ERCC4: variants seen among roughly 807,000 people sequenced by gnomAD.
ERCC4 encodes DNA repair endonuclease XPF.
Under a neutral mutation model 76.9 loss-of-function variants are expected in ERCC4, and 65 were observed. The ratio of observed to expected loss-of-function variants is 0.84; its 90% CI spans 0.69 to 1.04. ERCC4 has a LOEUF of 1.04. Among genes scored for constraint, ERCC4 ranks in the 50% least tolerant of loss-of-function variants. The pLI, the probability that ERCC4 is intolerant of heterozygous loss-of-function variation, is 0.00. For missense variants in ERCC4, 1,214 were observed against 1,128.2 expected, an observed-to-expected ratio of 1.08 and a Z score of -1.09; for synonymous variants, 463 against 410.1, an observed-to-expected ratio of 1.13 and a Z score of -1.56.
rs775970324 is a variant in ERCC4, at chr16:13,926,580, C to G, written c.408C>G (p.Ala136=). ...CCTCAGGCATCTTGGTGTATAGAGCCCACAGAATAATCGAGTCTTGTCAAG... is the reference window on the plus strand; with the variant it reads ...CCTCAGGCATCTTGGTGTATAGAGCGCACAGAATAATCGAGTCTTGTCAAG... The part of the protein sequence containing the change: ...DLITGILVYR[A]HRIIESCQEA... Residue 136 remains alanine (A), a synonymous_variant, in exon 3 of 11, where the codon GCC becomes GCG. Coordinates refer to ENST00000311895, the MANE Select transcript of ERCC4 (RefSeq NM_005236.3). 10 of 1,613,916 alleles carry G rather than the reference C, an allele frequency of 6.2e-6. No homozygotes were observed. The African/African-American group carries it at 1.2e-4, about 19-fold the overall frequency.
chr16:13,928,097 G>A lies in ERCC4; in HGVS notation c.654G>A (p.Met218Ile). ...KPEVVEIHVS[M>I]TPTMLAIQTA... Reference sequence around the variant, plus strand: ...AAGTTGTAGAAATCCATGTTTCTATGACACCTACCATGCTTGCTATACAGA... The same window carrying A: ...AAGTTGTAGAAATCCATGTTTCTATAACACCTACCATGCTTGCTATACAGA... The change falls in exon 4 of 11, where the codon ATG becomes ATA. Residue 218 changes from methionine (M) to isoleucine (I), a missense_variant. Transcript: ENST00000311895. 6.2e-7 allele frequency: 1 copy of A among 1,613,634 alleles called. No homozygotes were observed. Among genetic ancestry groups the A allele is most frequent in the Non-Finnish European group, 8.5e-7 (1 of 1,179,690 alleles).
At position 13,941,614 on chromosome 16, in the gene ERCC4, C is replaced by T. The variant is rs192249996; in HGVS notation, c.1905-3109C>T. Among the ~76,000 whole-genome samples the T allele has an allele frequency of 4.5e-3, 691 of 152,202 alleles. 4 individuals carry two copies. The highest frequency in any genetic ancestry group is 0.016 in the African/African-American group (650 of 41,512). On this transcript the variant is annotated intron_variant, in intron 9 of 10. Transcript: ENST00000311895. ...AGGATTGTTTAGCTGGATTAAAGAT[C>T]TGTAGATTATAGATAACAGATAAAG...
Position 13,948,189 on chromosome 16 carries a change from TC to T in ERCC4, c.2595del (p.Leu866Ter). 6.2e-7 allele frequency: 1 copy of T among 1,614,138 alleles called. No individual in the cohort carries two copies. Among genetic ancestry groups the T allele is most frequent in the Non-Finnish European group, 8.5e-7 (1 of 1,180,026 alleles). On this transcript the variant is annotated frameshift_variant, in exon 11 of 11. Coordinates refer to ENST00000311895, the MANE Select transcript of ERCC4 (RefSeq NM_005236.3). LOFTEE classifies it low-confidence loss of function (END_TRUNC). Reference sequence around the variant, plus strand: ...AGGGGTGAATGCCAAAAACTGCCGCTCCTTGATGCACCACGTTAAGAACATC... The same window carrying T: ...AGGGGTGAATGCCAAAAACTGCCGCTCTTGATGCACCACGTTAAGAACATC... ...MPGVNAKNCRSLMHHVKNIAE... is the reference protein window; with the variant it reads ...MPGVNAKNCRXLMHHVKNIAE...
chr16:13,930,623 G>C, intron 4 of ERCC4, 87 bp from the exon 5 acceptor site: 1 of 994,298 alleles, frequency 1.0e-6, no homozygotes, highest in South Asian at 1.4e-5. Context: ...AGATACACAG[G>C]AAATAATCCT....
chr16:13,945,614 C>A (rs2032498671), intron 10 of ERCC4, among the ~76,000 whole-genome samples: 1 of 152,160 alleles, frequency 6.6e-6, no homozygotes, highest in Admixed American at 6.5e-5. Flanking sequence ...AGATTCATAA[C>A]CCTCAATTCA....
intron 6 of ERCC4, 50 bp downstream of exon 6, chr16:13,932,335 G>C (rs769450173): frequency 6.4e-7 from 1 of 1,561,444 alleles, no homozygotes; most frequent in African/African-American, 1.4e-5. Flanking sequence ...TCGGTATTTG[G>C]TATGGAAATT....
At chr16:13,943,257 T>C (rs1472143019) in intron 9 of ERCC4, among the ~76,000 whole-genome samples, 1 of 152,246 alleles carries the variant, frequency 6.6e-6, no homozygotes, top group Admixed American at 6.5e-5. Context: ...TAGTCCATTT[T>C]CATATTGCTA....
chr16:13,946,858 T>C (rs993918923), intron 10 of ERCC4, among the ~76,000 whole-genome samples: 2 of 152,158 alleles, frequency 1.3e-5, no homozygotes, highest in African/African-American at 4.8e-5. Context: ...CCTCCTGGGC[T>C]CAAGCAATTC....
Position 13,935,253 on chromosome 16 carries a change from G to C in ERCC4, c.1321G>C (p.Glu441Gln), listed in dbSNP as rs747564755. 1.2e-6 allele frequency: 2 copies of C among 1,613,922 alleles called. No individual in the cohort carries two copies. The highest frequency in any genetic ancestry group is 3.3e-5 in the Admixed American group (2 of 59,996). Residue 441 changes from glutamate to glutamine, a missense_variant, in exon 8 of 11, where the codon GAG (glutamate) becomes CAG (glutamine). By Grantham distance (29) the Glu-to-Gln change is conservative. Transcript: ENST00000311895. Reference sequence around the variant, plus strand: ...ATTGAGGCTCTACAGGAAAACCTTTGAGAAGGATAGCAAAGCTGAAGAAGT... The same window carrying C: ...ATTGAGGCTCTACAGGAAAACCTTTCAGAAGGATAGCAAAGCTGAAGAAGT... ...FLLRLYRKTF[E>Q]KDSKAEEVWM...
chr16:13,935,148 C>A lies in ERCC4; in HGVS notation c.1216C>A (p.Gln406Lys), dbSNP rs2032257332. Residue 406 changes from glutamine (Q) to lysine (K), a missense_variant and splice_region_variant, in exon 8 of 11, where the codon CAA (glutamine) becomes AAA (lysine). Coordinates refer to ENST00000311895, the MANE Select transcript of ERCC4 (RefSeq NM_005236.3). The stretch of plus-strand genomic sequence containing the variant: ...ATAATGTTGTTTTCTATTTTCAGGT[C>A]AAGTACTGATTTGTGCAAGTGATGA... ...KESEALGGPG[Q>K]VLICASDDRT... 1.2e-6 allele frequency: 2 copies of A among 1,610,142 alleles called. No individual in the cohort carries two copies. Among genetic ancestry groups the A allele is most frequent in the African/African-American group, 1.3e-5 (1 of 74,866 alleles).
Position 13,944,754 on chromosome 16 carries a change from A to G in ERCC4, c.1936A>G (p.Arg646Gly). ...AGCAAGCATGGTTGTCCCTGAAGAA[A>G]GAGAAGGCAGAGATGAAACAAACTT... is the stretch of plus-strand genomic sequence containing the variant. ...EKASMVVPEE[R>G]EGRDETNLDL... Residue 646 changes from arginine to glycine, a missense_variant, in exon 10 of 11, where the codon AGA (arginine) becomes GGA (glycine). Coordinates refer to ENST00000311895, the MANE Select transcript of ERCC4 (RefSeq NM_005236.3). 6.2e-7 allele frequency: 1 copy of G among 1,613,912 alleles called. No individual in the cohort carries two copies. The highest frequency in any genetic ancestry group is 8.5e-7 in the Non-Finnish European group (1 of 1,179,762).
chr16:13,946,047 C>G (rs2032507312), intron 10 of ERCC4, among the ~76,000 whole-genome samples: 1 of 152,172 alleles, frequency 6.6e-6, no homozygotes, highest in Admixed American at 6.5e-5. Flanking sequence ...GGGAGAATCC[C>G]TTTCCTGGCC....
chr16:13,934,501 C>T, intron 7 of ERCC4, 199 bp downstream of exon 7: 1 of 546,282 alleles, frequency 1.8e-6, no homozygotes, highest in Non-Finnish European at 3.3e-6. Flanking sequence ...GTGGCAACCT[C>T]ATTTCTGTTC....
In ERCC4 at chr16:13,948,379, G is replaced by A. The variant is rs771976579; in HGVS notation, c.*32G>A. The A allele has an allele frequency of 1.2e-6, 2 of 1,602,418 alleles. No individual in the cohort carries two copies. Among genetic ancestry groups the A allele is most frequent in the Admixed American group, 3.3e-5 (2 of 60,006 alleles). On this transcript the variant is annotated 3_prime_UTR_variant, in exon 11 of 11. Coordinates refer to ENST00000311895, the MANE Select transcript of ERCC4 (RefSeq NM_005236.3). Reference sequence around the variant, plus strand: ...ATGGCTGTTTTCTTATCCCATGCCTGTACTTTTCAGCGGCTCCTTGCCAGA... The same window carrying A: ...ATGGCTGTTTTCTTATCCCATGCCTATACTTTTCAGCGGCTCCTTGCCAGA...
chr16:13,946,431 G>A (rs1224703371), intron 10 of ERCC4, among the ~76,000 whole-genome samples: 1 of 152,230 alleles, frequency 6.6e-6, no homozygotes, highest in Non-Finnish European at 1.5e-5. Flanking sequence ...ACAATGGTAA[G>A]TATTTGTGTA....
rs1567245237 is a variant in ERCC4, at chr16:13,930,568, T to C, written c.793-142T>C. ...AATAATGCTTGCAGTTTTTTTATTG[T>C]AGTAAAATATATATGACATAAAATT... On this transcript the variant is annotated intron_variant, in intron 4 of 10. Transcript: ENST00000311895. 4.7e-6 allele frequency: 3 copies of C among 632,412 alleles called. No homozygotes were observed. The Admixed American group carries it at 8.7e-5, about 18-fold the overall frequency. 39.2% of individuals were successfully genotyped at this position (632,412 alleles called of 1,614,324 possible). A position where few individuals can be genotyped will look rare whatever the true frequency, so the allele number is the denominator to read the frequency against.
chr16:13,932,252 AT>A lies in ERCC4; in HGVS notation c.1070del (p.Ile357AsnfsTer19). On this transcript the variant is annotated frameshift_variant, in exon 6 of 11. Transcript: ENST00000311895. LOFTEE classifies it high-confidence loss of function. ...TGCCAAAATGAGTAAAAAAGAAAAA[AT>A]ATCTGAAAAAATGGAAATTAAAGAA... ...PDAKMSKKEK[I>X]SEKMEIKEGE... 1 of 1,611,482 alleles carries A rather than the reference AT, an allele frequency of 6.2e-7. No homozygotes were observed.
chr16:13,930,852 C>A lies in ERCC4; in HGVS notation c.935C>A (p.Ser312Tyr), dbSNP rs886051661. ...GTCACATTTCTTAATCTTCTGGAATCTCTGAGAGCAACGGAAAAAGCTTTT... is the reference window on the plus strand; with the variant it reads ...GTCACATTTCTTAATCTTCTGGAATATCTGAGAGCAACGGAAAAAGCTTTT... ...DCVTFLNLLE[S>Y]LRATEKAFGQ... Residue 312 changes from serine (S) to tyrosine (Y), a missense_variant, in exon 5 of 11, where the codon TCT becomes TAT. Coordinates refer to ENST00000311895, the MANE Select transcript of ERCC4 (RefSeq NM_005236.3). 1.9e-6 allele frequency: 3 copies of A among 1,613,552 alleles called. No homozygotes were observed. The African/African-American group carries it at 4.0e-5, about 22-fold the overall frequency.
In ERCC4 at chr16:13,948,779, A is replaced by C; in HGVS notation, c.*432A>C. ...AGTCCTTGTTATCTAGTGCAACATA[A>C]ATAACAGTCTTAATTGCACTTATAC... On this transcript the variant is annotated 3_prime_UTR_variant, in exon 11 of 11. Coordinates refer to ENST00000311895, the MANE Select transcript of ERCC4 (RefSeq NM_005236.3). 4.3e-6 allele frequency: 1 copy of C among 233,980 alleles called. No individual in the cohort carries two copies. The highest frequency in any genetic ancestry group is 6.1e-5 in the East Asian group (1 of 16,486). The allele number at this position is 233,980 out of a possible 1,614,324, so 14.5% of individuals were successfully genotyped here.
Sources: gnomAD v4.1 joint callset for allele counts (sites outside exome capture counted in the v4.1 genomes callset) on GRCh38, gnomAD v4.1.1 for gene constraint, MANE v1.5 for transcripts, NCBI Gene and HGNC (gene_info 2026-07-23, HGNC 2026-07-21) for gene names.